Variants in SAMD4A observed in about 807,000 individuals in gnomAD.
SAMD4A encodes protein Smaug homolog 1.
Under a neutral mutation model 81.3 loss-of-function variants are expected in SAMD4A, and 33 were observed. The ratio of observed to expected loss-of-function variants is 0.41; its 90% CI spans 0.31 to 0.54. The LOEUF (loss-of-function observed/expected upper bound fraction) is 0.54. Ranked by LOEUF, SAMD4A falls within the 20% of genes least tolerant of loss-of-function variation. SAMD4A has a pLI of 0.37. For synonymous variants in SAMD4A, 389 were observed against 382.1 expected, an observed-to-expected ratio of 1.02 and a Z score of -0.21; for missense variants, 854 against 951.1, an observed-to-expected ratio of 0.90 and a Z score of 1.34.
chr14:54,573,324 C>G (rs2033188887), intron 2 of SAMD4A, among the ~76,000 whole-genome samples: 1 of 152,132 alleles, frequency 6.6e-6, no homozygotes, highest in Non-Finnish European at 1.5e-5. Flanking sequence ...GGCAGAGAAA[C>G]TTCACAACAG....
At chr14:54,748,731 C>T in intron 4 of SAMD4A, 84 bp from the exon 5 acceptor site, 1 of 910,190 alleles carries the variant, frequency 1.1e-6, no homozygotes, top group Non-Finnish European at 1.7e-6. Context: ...ACCCTCTTTT[C>T]CTTTCTCTGT....
At position 54,690,990 on chromosome 14, in the gene SAMD4A, G is replaced by A. The variant is rs541393061; in HGVS notation, c.197-11072G>A. Among the ~76,000 whole-genome samples the A allele has an allele frequency of 5.3e-5, 8 of 152,202 alleles. No individual in the cohort carries two copies. The East Asian group carries it at 7.7e-4, about 15-fold the overall frequency. Reference sequence around the variant, plus strand: ...GTTTAGAAGGTTTGTTTCCAGGAAGGAGCTCCTTCCTGCCAGGTTTGTCCT... The same window carrying A: ...GTTTAGAAGGTTTGTTTCCAGGAAGAAGCTCCTTCCTGCCAGGTTTGTCCT... On this transcript the variant is annotated intron_variant, in intron 2 of 12. Transcript: ENST00000554335.
At chr14:54,574,619 T>TA (rs937163613) in intron 2 of SAMD4A, among the ~76,000 whole-genome samples, 47 of 152,232 alleles carry the variant, frequency 3.1e-4, no homozygotes, top group African/African-American at 1.1e-3. Flanking sequence ...TATTTAAAGA[T>TA]ACGAAAATGG....
chr14:54,731,887 C>G (rs1413851035), intron 3 of SAMD4A, among the ~76,000 whole-genome samples: 1 of 152,198 alleles, frequency 6.6e-6, no homozygotes, highest in African/African-American at 2.4e-5. Context: ...AGTCAAATTT[C>G]TGACAGTTTC....
rs1164367285 is a variant in SAMD4A at position 54,791,469 on chromosome 14, A to G, written c.*2525A>G. On this transcript the variant is annotated 3_prime_UTR_variant, in exon 13 of 13. Coordinates refer to ENST00000554335, the MANE Select transcript of SAMD4A (RefSeq NM_015589.6). ...CTATTTATTCCTTCACTGAATATAGAAACAATGGTTATCTGATTATTAGAG... is the reference window on the plus strand; with the variant it reads ...CTATTTATTCCTTCACTGAATATAGGAACAATGGTTATCTGATTATTAGAG... The G allele has an allele frequency of 6.6e-6, 1 of 152,240 alleles. No homozygotes were observed. The highest frequency in any genetic ancestry group is 1.5e-5 in the Non-Finnish European group (1 of 68,030). 9.4% of individuals were successfully genotyped at this position (152,240 alleles called of 1,614,324 possible).
intron 3 of SAMD4A, among the ~76,000 whole-genome samples, chr14:54,718,690 C>T (rs1482375215): frequency 6.6e-6 from 1 of 152,036 alleles, no homozygotes; most frequent in Non-Finnish European, 1.5e-5. Flanking sequence ...CGAAGCATGT[C>T]CTGGAGAGTT....
intron 2 of SAMD4A, among the ~76,000 whole-genome samples, chr14:54,571,519 G>C (rs1166024768): frequency 6.6e-6 from 1 of 152,072 alleles, no homozygotes; most frequent in African/African-American, 2.4e-5. Flanking sequence ...TTTATTTATG[G>C]CTTTTGTCAC....
At chr14:54,617,842 C>T (rs1391470322) in intron 2 of SAMD4A, among the ~76,000 whole-genome samples, 1 of 152,114 alleles carries the variant, frequency 6.6e-6, no homozygotes, top group Non-Finnish European at 1.5e-5. Flanking sequence ...AGTTGGGTGC[C>T]TTATTTTAGC....
rs370029371 is a variant in SAMD4A, at chr14:54,775,092, G to A, written c.1874G>A (p.Arg625His). 1.3e-4 allele frequency: 209 copies of A among 1,614,006 alleles called. No homozygotes were observed. Among genetic ancestry groups the A allele is most frequent in the Non-Finnish European group, 1.7e-4 (198 of 1,180,026 alleles). ...AGTGGATTCGTCAGCTCCAACCAGC[G>A]CAACACCACAGCTACCCCCACCATC... ...GTSGFVSSNQ[R>H]NTTATPTIMK... The change falls in exon 10 of 13, where the codon CGC (arginine) becomes CAC (histidine). Residue 625 changes from arginine to histidine, a missense_variant. Physicochemically the swap from Arg to His is conservative, Grantham distance 29. This residue lies in a region of SAMD4A where 428 missense variants were observed against 471.2 expected (regional missense o/e 0.91). Coordinates refer to ENST00000554335, the MANE Select transcript of SAMD4A (RefSeq NM_015589.6).
intron 4 of SAMD4A, among the ~76,000 whole-genome samples, chr14:54,742,348 G>C (rs555539498): frequency 3.6e-4 from 54 of 152,004 alleles, no homozygotes; most frequent in Non-Finnish European, 7.2e-4. Flanking sequence ...GAATGGGGGG[G>C]GCAGCATGGG....
intron 8 of SAMD4A, among the ~76,000 whole-genome samples, chr14:54,768,359 G>A (rs1184272747): frequency 6.6e-6 from 1 of 152,206 alleles, no homozygotes; most frequent in African/African-American, 2.4e-5. Flanking sequence ...TGTTGTTCAT[G>A]TGTTATTTCA....
intron 8 of SAMD4A, among the ~76,000 whole-genome samples, chr14:54,765,622 T>C (rs1205097387): frequency 1.3e-5 from 2 of 151,410 alleles, no homozygotes; most frequent in Non-Finnish European, 2.9e-5. Context: ...GTGAGACTTG[T>C]CTCGGGGAAA....
chr14:54,723,391 C>G (rs1348013993), intron 3 of SAMD4A, among the ~76,000 whole-genome samples: 1 of 152,150 alleles, frequency 6.6e-6, no homozygotes, highest in Non-Finnish European at 1.5e-5. Context: ...GAATAGCCAA[C>G]TTGCAGACAG....
intron 3 of SAMD4A, among the ~76,000 whole-genome samples, chr14:54,711,473 A>C (rs2036987888): frequency 6.6e-6 from 1 of 152,188 alleles, no homozygotes. Flanking sequence ...ATTAATGTCA[A>C]GCTTCTGATT....
At chr14:54,756,666 A>G (rs537661329) in intron 6 of SAMD4A, among the ~76,000 whole-genome samples, 1 of 152,322 alleles carries the variant, frequency 6.6e-6, no homozygotes, top group African/African-American at 2.4e-5. Flanking sequence ...GAGAATCCCA[A>G]TTCTTACACA....
intron 2 of SAMD4A, among the ~76,000 whole-genome samples, chr14:54,626,055 TGTGTGCGCGCGC>T (rs1417170451): frequency 3.2e-4 from 35 of 108,330 alleles, no homozygotes; most frequent in East Asian, 2.0e-3. Context: ...TGTGTGTGTG[TGTGTGCGCGCGC>T]GCGCGCGCGA....
At chr14:54,650,777 C>T (rs1312347379) in intron 2 of SAMD4A, among the ~76,000 whole-genome samples, 2 of 152,142 alleles carry the variant, frequency 1.3e-5, no homozygotes, top group Non-Finnish European at 1.5e-5. Context: ...GTTTCCCTTT[C>T]CCTATAAATA....
chr14:54,630,563 T>C (rs966733456), intron 2 of SAMD4A, among the ~76,000 whole-genome samples: 1 of 152,232 alleles, frequency 6.6e-6, no homozygotes, highest in Admixed American at 6.5e-5. Flanking sequence ...GAGTTCTTTA[T>C]ATATTCTGAG....
At chr14:54,698,928 A>AT (rs57922006) in intron 2 of SAMD4A, among the ~76,000 whole-genome samples, 91 of 142,890 alleles carry the variant, frequency 6.4e-4, no homozygotes, top group East Asian at 1.6e-3. Context: ...TTTGTTGCTG[A>AT]TTTTTTTTTT....
Sources: gnomAD v4.1 joint callset for allele counts (sites outside exome capture counted in the v4.1 genomes callset) on GRCh38, gnomAD v4.1.1 for gene constraint, gnomAD v4.1.1 regional missense constraint, MANE v1.5 for transcripts, NCBI Gene and HGNC (gene_info 2026-07-23, HGNC 2026-07-21) for gene names.